The following GPATCH8 variants were observed in gnomAD, a reference collection of about 807,000 sequenced individuals.
The protein encoded by GPATCH8 is G-patch domain containing 8.
A neutral mutation model predicts 118.3 loss-of-function variants in GPATCH8; 18 were observed. The observed-to-expected ratio is 0.15, with a 90% CI of 0.11 to 0.23. The LOEUF (loss-of-function observed/expected upper bound fraction) is 0.23, where lower values mean the gene tolerates loss of function less well. GPATCH8 is among the 10% of genes least tolerant of loss of function. The pLI is 1.00. For missense variants in GPATCH8, 1,631 were observed against 1,873.8 expected, an observed-to-expected ratio of 0.87 and a Z score of 2.39; for synonymous variants, 659 against 684.7, an observed-to-expected ratio of 0.96 and a Z score of 0.59.
At chr17:44,497,426 CA>C (rs1315099146) in intron 1 of GPATCH8, among the ~76,000 whole-genome samples, 1 of 144,800 alleles carries the variant, frequency 6.9e-6, no homozygotes, top group Non-Finnish European at 1.5e-5. Flanking sequence ...CCCATCTCTA[CA>C]AAAATGAAAA....
At chr17:44,409,141 G>T (rs2049338910) in intron 6 of GPATCH8, 1 of 152,184 alleles carries the variant, frequency 6.6e-6, no homozygotes. Context: ...CAGCATGGGA[G>T]TTCTGACCTG....
At chr17:44,405,496 C>T (rs1297190749) in intron 7 of GPATCH8, among the ~76,000 whole-genome samples, 2 of 126,818 alleles carry the variant, frequency 1.6e-5, no homozygotes, top group African/African-American at 3.0e-5. Context: ...GCGTGAACCA[C>T]CATGCCCGGC....
intron 3 of GPATCH8, among the ~76,000 whole-genome samples, chr17:44,453,459 C>A (rs1478931692): frequency 1.4e-5 from 2 of 139,798 alleles, no homozygotes; most frequent in Non-Finnish European, 3.1e-5. Flanking sequence ...ATTAATATTT[C>A]CCATTTCTCC....
At chr17:44,406,629 C>G (rs1361833256) in intron 6 of GPATCH8, among the ~76,000 whole-genome samples, 1 of 151,812 alleles carries the variant, frequency 6.6e-6, no homozygotes, top group African/African-American at 2.4e-5. Context: ...GACAGGTCTT[C>G]CAGCGCTAGC....
At chr17:44,421,008 G>A (rs563041982) in intron 6 of GPATCH8, among the ~76,000 whole-genome samples, 76 of 151,830 alleles carry the variant, frequency 5.0e-4, no homozygotes, top group Middle Eastern at 3.4e-3. Context: ...AGGCCACCAC[G>A]CCTGGCTAAT....
rs184233904 is a variant in GPATCH8 at position 44,454,279 on chromosome 17, A to C, written c.193+10193T>G. Among the ~76,000 whole-genome samples, 281 of 152,194 alleles carry C rather than the reference A, an allele frequency of 1.8e-3. 2 individuals are homozygous for C. Among genetic ancestry groups the C allele is most frequent in the Non-Finnish European group, 3.1e-3 (211 of 68,000 alleles). ...CTCAGCCTCCCAAGTAGCTAGGAAT[A>C]TAAGTGTGCACTACCTTGCCTAATT... On this transcript the variant is annotated intron_variant, in intron 3 of 7. Coordinates refer to ENST00000591680, the MANE Select transcript of GPATCH8 (RefSeq NM_001002909.4).
At position 44,399,012 on chromosome 17, in the gene GPATCH8, C is replaced by T. The variant is rs766208543; in HGVS notation, c.3065G>A (p.Arg1022His). 44 of 1,613,832 alleles carry T rather than the reference C, an allele frequency of 2.7e-5. No homozygotes were observed. Among genetic ancestry groups the T allele is most frequent in the East Asian group, 4.5e-5 (2 of 44,890 alleles). Reference sequence around the variant, plus strand: ...GATCTTAGAACGAATGAAGTCCCGACGCCCAGAATGCCTCTCCTCAGGGCT... The same window carrying T: ...GATCTTAGAACGAATGAAGTCCCGATGCCCAGAATGCCTCTCCTCAGGGCT... Reference protein sequence around the residue: ...HESPEERHSGRRDFIRSKIYR... With the variant: ...HESPEERHSGHRDFIRSKIYR... The change falls in exon 8 of 8, where the codon CGT (arginine) becomes CAT (histidine). Residue 1022 changes from arginine to histidine, a missense_variant. Coordinates refer to ENST00000591680, the MANE Select transcript of GPATCH8 (RefSeq NM_001002909.4).
chr17:44,493,075 A>G (rs190399674), intron 1 of GPATCH8, among the ~76,000 whole-genome samples: 1,613 of 32,452 alleles, frequency 0.05, 32 homozygotes, highest in Middle Eastern at 0.17. Flanking sequence ...TTTTTTTAAG[A>G]CAGAGTCTCA....
intron 6 of GPATCH8, chr17:44,409,211 C>T (rs934222846): frequency 6.6e-6 from 1 of 152,250 alleles, no homozygotes; most frequent in African/African-American, 2.4e-5. Flanking sequence ...GCCCCCAGCT[C>T]CTGGGAGTTC....
chr17:44,462,940 C>T (rs558550374), intron 3 of GPATCH8, among the ~76,000 whole-genome samples: 1 of 151,838 alleles, frequency 6.6e-6, no homozygotes, highest in South Asian at 2.1e-4. Flanking sequence ...GAGATCGCGC[C>T]GCTGCACTCT....
At chr17:44,427,858 T>C (rs991088883) in intron 5 of GPATCH8, among the ~76,000 whole-genome samples, 4 of 152,170 alleles carry the variant, frequency 2.6e-5, no homozygotes, top group South Asian at 2.1e-4. Flanking sequence ...CACTCAAACA[T>C]GGGTAATTTC....
At chr17:44,414,467 C>T (rs2049602240) in intron 6 of GPATCH8, among the ~76,000 whole-genome samples, 1 of 151,920 alleles carries the variant, frequency 6.6e-6, no homozygotes, top group Non-Finnish European at 1.5e-5. Context: ...TCCATCATGC[C>T]CTGCTAATTT....
At chr17:44,478,472 G>C (rs556114479) in intron 1 of GPATCH8, among the ~76,000 whole-genome samples, 1 of 151,990 alleles carries the variant, frequency 6.6e-6, no homozygotes, top group Non-Finnish European at 1.5e-5. Flanking sequence ...GCAACATAGC[G>C]AGCAAGACCT....
intron 6 of GPATCH8, among the ~76,000 whole-genome samples, chr17:44,423,460 G>C (rs2049985023): frequency 6.6e-6 from 1 of 152,082 alleles, no homozygotes; most frequent in Admixed American, 6.6e-5. Context: ...GAAATCTTAT[G>C]GTTGGTGGAA....
At chr17:44,481,530 A>C (rs1968237561) in intron 1 of GPATCH8, among the ~76,000 whole-genome samples, 1 of 152,224 alleles carries the variant, frequency 6.6e-6, no homozygotes, top group Non-Finnish European at 1.5e-5. Flanking sequence ...AAAGAAAAAG[A>C]TCAGTGATTG....
intron 1 of GPATCH8, 47 bp downstream of exon 1, chr17:44,503,279 G>C: frequency 6.5e-7 from 1 of 1,544,338 alleles, no homozygotes; most frequent in Non-Finnish European, 8.9e-7. Context: ...GGAGGTTCTG[G>C]GCTAGACCAG....
chr17:44,498,011 C>T (rs542737356), intron 1 of GPATCH8, among the ~76,000 whole-genome samples: 1 of 152,092 alleles, frequency 6.6e-6, no homozygotes, highest in Non-Finnish European at 1.5e-5. Flanking sequence ...CCCAGATAGA[C>T]AGAAATCACA....
At chr17:44,471,219 A>G (rs1598584684) in intron 2 of GPATCH8, among the ~76,000 whole-genome samples, 1 of 152,238 alleles carries the variant, frequency 6.6e-6, no homozygotes, top group Non-Finnish European at 1.5e-5. Flanking sequence ...TAAATGCTTT[A>G]CAAATACTGG....
chr17:44,435,493 A>G (rs1296352627), intron 4 of GPATCH8, among the ~76,000 whole-genome samples: 1 of 135,822 alleles, frequency 7.4e-6, no homozygotes, highest in Non-Finnish European at 1.5e-5. Flanking sequence ...CGCTCACTGC[A>G]ACCTCTGCCT....
Sources: gnomAD v4.1 joint callset for allele counts (sites outside exome capture counted in the v4.1 genomes callset) on GRCh38, gnomAD v4.1.1 for gene constraint, MANE v1.5 for transcripts, NCBI Gene and HGNC (gene_info 2026-07-23, HGNC 2026-07-21) for gene names.